RRP15: variants seen among roughly 807,000 people sequenced by gnomAD.
The protein encoded by RRP15 is RRP15-like protein.
RRP15 carries 18 observed loss-of-function variants against 27.1 expected under a neutral mutation model. The ratio of observed to expected loss-of-function variants is 0.66; its 90% CI spans 0.46 to 0.98. RRP15 has a LOEUF of 0.98. RRP15 is among the 50% of genes least tolerant of loss of function. RRP15 has a pLI of 0.00. For synonymous variants in RRP15, 107 were observed against 109.4 expected, an observed-to-expected ratio of 0.98 and a Z score of 0.14; for missense variants, 359 against 337.8, an observed-to-expected ratio of 1.06 and a Z score of -0.49.
chr1:218,318,036 A>G (rs12095789), intron 4 of RRP15, among the ~76,000 whole-genome samples: 22,949 of 152,044 alleles, frequency 0.15, 4,210 homozygotes, highest in African/African-American at 0.44. Context: ...GCTCTTTTAT[A>G]AAAATTGTCA....
rs768605027 is a variant in RRP15, at chr1:218,305,020, T to TA, written c.406-6dup. On this transcript the variant is annotated splice_polypyrimidine_tract_variant and splice_region_variant and intron_variant, in intron 2 of 4. Coordinates refer to ENST00000366932, the MANE Select transcript of RRP15 (RefSeq NM_016052.4). Reference sequence around the variant, plus strand: ...ATATTCTTTCACATAACAATATTTATAACGCAGCGTGATAAGAGGCTGGAG... The same window carrying TA: ...ATATTCTTTCACATAACAATATTTATAAACGCAGCGTGATAAGAGGCTGGAG... 22 of 1,610,722 alleles carry TA rather than the reference T, an allele frequency of 1.4e-5. No homozygotes were observed. The Admixed American group carries it at 3.7e-4, about 27-fold the overall frequency.
intron 4 of RRP15, among the ~76,000 whole-genome samples, chr1:218,321,941 A>T (rs183738879): frequency 6.6e-6 from 1 of 152,298 alleles, no homozygotes; most frequent in East Asian, 1.9e-4. Flanking sequence ...TATGGAAAAG[A>T]TATAGCAAAT....
intron 4 of RRP15, among the ~76,000 whole-genome samples, chr1:218,317,654 A>G (rs1283865413): frequency 1.3e-5 from 2 of 152,084 alleles, no homozygotes; most frequent in African/African-American, 4.8e-5. Context: ...TTTACTAGAA[A>G]TCAAATGCAT....
At chr1:218,303,943 A>G (rs1049853503) in intron 2 of RRP15, among the ~76,000 whole-genome samples, 1 of 152,224 alleles carries the variant, frequency 6.6e-6, no homozygotes, top group Non-Finnish European at 1.5e-5. Context: ...CATACATATT[A>G]TCCTTTGAGT....
intron 1 of RRP15, among the ~76,000 whole-genome samples, chr1:218,292,957 C>T (rs1464038391): frequency 6.6e-6 from 1 of 152,086 alleles, no homozygotes; most frequent in African/African-American, 2.4e-5. Context: ...ACAAATTTTC[C>T]TATCTCTGCA....
intron 4 of RRP15, among the ~76,000 whole-genome samples, chr1:218,328,653 A>G (rs1191201066): frequency 1.3e-5 from 2 of 149,350 alleles, no homozygotes; most frequent in East Asian, 3.9e-4. Context: ...ACAGAGCGAG[A>G]CTCCGTCTCA....
chr1:218,302,363 A>G lies in RRP15; in HGVS notation c.209A>G (p.Asp70Gly). 6.2e-7 allele frequency: 1 copy of G among 1,614,098 alleles called. No individual in the cohort carries two copies. The highest frequency in any genetic ancestry group is 8.5e-7 in the Non-Finnish European group (1 of 1,179,990). ...GCAATAGAAGCTGACAGTGAGGGTG[A>G]TGCTGAGCCCTGTGACAAAGAAAAT... The part of the protein sequence containing the change: ...DDAIEADSEG[D>G]AEPCDKENEN... The change falls in exon 2 of 5, where the codon GAT becomes GGT. Residue 70 changes from aspartate (D) to glycine (G), a missense_variant. Transcript: ENST00000366932.
intron 3 of RRP15, among the ~76,000 whole-genome samples, chr1:218,305,742 G>C (rs1655889412): frequency 6.6e-6 from 1 of 152,092 alleles, no homozygotes; most frequent in South Asian, 2.1e-4. Flanking sequence ...AAAGAACCTA[G>C]CAGTTATATT....
chr1:218,307,280 G>T, intron 3 of RRP15, 151 bp from the exon 4 acceptor site: 1 of 585,956 alleles, frequency 1.7e-6, no homozygotes, highest in East Asian at 2.9e-5. Flanking sequence ...TTTATCAAAT[G>T]TATTTAACCA....
intron 2 of RRP15, among the ~76,000 whole-genome samples, chr1:218,303,591 G>T (rs1655848016): frequency 6.6e-6 from 1 of 152,178 alleles, no homozygotes; most frequent in Admixed American, 6.5e-5. Context: ...AATGCTAGAA[G>T]AGGCTTCAAA....
chr1:218,323,845 C>T (rs1461144574), intron 4 of RRP15, among the ~76,000 whole-genome samples: 1 of 152,210 alleles, frequency 6.6e-6, no homozygotes, highest in Non-Finnish European at 1.5e-5. Context: ...GGGTTCCGCT[C>T]CAACCTTGCT....
Position 218,332,549 on chromosome 1 carries a change from A to C in RRP15, c.*1458A>C, listed in dbSNP as rs955737901. ...TATGTATTGAAGGATAATCCCCCCC[A>C]AAAAAACTATCCAAGAGCAGAGATG... On this transcript the variant is annotated 3_prime_UTR_variant, in exon 5 of 5. Transcript: ENST00000366932. 2 of 152,072 alleles carry C rather than the reference A, an allele frequency of 1.3e-5. No individual in the cohort carries two copies. Among genetic ancestry groups the C allele is most frequent in the African/African-American group, 2.4e-5 (1 of 41,422 alleles). 9.4% of individuals were successfully genotyped at this position (152,072 alleles called of 1,614,324 possible).
intron 1 of RRP15, among the ~76,000 whole-genome samples, chr1:218,290,024 A>T (rs1453607703): frequency 6.6e-6 from 1 of 152,154 alleles, no homozygotes; most frequent in Non-Finnish European, 1.5e-5. Flanking sequence ...TAGGGTACCT[A>T]TCTGTTGGGC....
chr1:218,302,649 T>TAG, intron 2 of RRP15, 90 bp downstream of exon 2: 1 of 1,514,534 alleles, frequency 6.6e-7, no homozygotes. Flanking sequence ...GTTTGACCAA[T>TAG]TAACGTTCCA....
intron 4 of RRP15, among the ~76,000 whole-genome samples, chr1:218,322,854 G>C (rs932731562): frequency 1.3e-5 from 2 of 152,238 alleles, no homozygotes; most frequent in East Asian, 3.9e-4. Context: ...CGCTCGGCTC[G>C]TGCTACCAGC....
intron 1 of RRP15, among the ~76,000 whole-genome samples, chr1:218,298,789 A>G (rs183251466): frequency 1.7e-3 from 257 of 152,330 alleles, no homozygotes; most frequent in African/African-American, 5.4e-3. Context: ...GAAATACTCA[A>G]TAGGCTCTTG....
At chr1:218,294,412 T>C (rs1448920267) in intron 1 of RRP15, among the ~76,000 whole-genome samples, 1 of 152,182 alleles carries the variant, frequency 6.6e-6, no homozygotes, top group Non-Finnish European at 1.5e-5. Context: ...TGACTTAAAA[T>C]TGGGGTTCCC....
intron 4 of RRP15, among the ~76,000 whole-genome samples, chr1:218,311,480 CT>C (rs548314246): frequency 2.6e-5 from 4 of 151,448 alleles, no homozygotes; most frequent in Non-Finnish European, 5.9e-5. Context: ...CTTTTTTTTC[CT>C]TTAGTTTTGT....
intron 4 of RRP15, among the ~76,000 whole-genome samples, chr1:218,321,471 AC>A (rs1199666071): frequency 2.0e-5 from 3 of 152,246 alleles, no homozygotes; most frequent in Admixed American, 1.3e-4. Flanking sequence ...TTAACAGCTA[AC>A]ACAGCTTCCA....
Sources: gnomAD v4.1 joint callset for allele counts (sites outside exome capture counted in the v4.1 genomes callset) on GRCh38, gnomAD v4.1.1 for gene constraint, MANE v1.5 for transcripts, NCBI Gene and HGNC (gene_info 2026-07-23, HGNC 2026-07-21) for gene names.